SMAP1: variants seen among roughly 807,000 people sequenced by gnomAD.
SMAP1 encodes the protein stromal membrane-associated protein 1.
SMAP1 carries 24 observed loss-of-function variants against 58.5 expected under a neutral mutation model. The ratio of observed to expected loss-of-function variants is 0.41; its 90% CI spans 0.30 to 0.58. The LOEUF (loss-of-function observed/expected upper bound fraction) is 0.58. SMAP1 is among the 20% of genes least tolerant of loss of function. SMAP1 has a pLI of 0.29. For synonymous variants in SMAP1, 216 were observed against 196.6 expected (o/e 1.10, Z -0.82); for missense variants, 563 against 566.3 (o/e 0.99, Z 0.06).
chr6:70,687,889 ATATGGAACAGT>A (rs1766997153), intron 1 of SMAP1, among the ~76,000 whole-genome samples: 1 of 152,166 alleles, frequency 6.6e-6, no homozygotes, highest in Non-Finnish European at 1.5e-5. Context: ...CACAGTCAAG[ATATGGAACAGT>A]TATATACCAC....
intron 6 of SMAP1, among the ~76,000 whole-genome samples, chr6:70,818,279 A>G (rs1239659709): frequency 1.3e-5 from 2 of 151,670 alleles, no homozygotes; most frequent in African/African-American, 4.8e-5. Context: ...GGTGGCAGGC[A>G]CCTGTAATCC....
chr6:70,837,777 T>C (rs1361545873), intron 7 of SMAP1: 4 of 1,222,086 alleles, frequency 3.3e-6, no homozygotes, highest in Non-Finnish European at 2.1e-6. Context: ...TTCTTTTTTT[T>C]TAGTTTGGAG....
intron 7 of SMAP1, among the ~76,000 whole-genome samples, chr6:70,845,675 T>C (rs1194992915): frequency 6.6e-6 from 1 of 151,824 alleles, no homozygotes. Context: ...GATCTTATGA[T>C]TTAAAACCCA....
chr6:70,811,501 G>C (rs1769386505), intron 6 of SMAP1, among the ~76,000 whole-genome samples: 1 of 152,080 alleles, frequency 6.6e-6, no homozygotes, highest in East Asian at 1.9e-4. Context: ...GGTGAGATCA[G>C]TCAAGGCTTC....
At chr6:70,744,791 A>C (rs1352835561) in intron 2 of SMAP1, among the ~76,000 whole-genome samples, 1 of 152,228 alleles carries the variant, frequency 6.6e-6, no homozygotes, top group Non-Finnish European at 1.5e-5. Flanking sequence ...TCCCACCAAC[A>C]GTGTAAAAGT....
At chr6:70,729,470 T>TGTGC (rs1405744485) in intron 1 of SMAP1, among the ~76,000 whole-genome samples, 1 of 149,096 alleles carries the variant, frequency 6.7e-6, no homozygotes, top group Non-Finnish European at 1.5e-5. Flanking sequence ...TGTGTGTGTG[T>TGTGC]GTGTGTGTGT....
chr6:70,693,485 G>T (rs905595121), intron 1 of SMAP1, among the ~76,000 whole-genome samples: 1 of 151,536 alleles, frequency 6.6e-6, no homozygotes, highest in Non-Finnish European at 1.5e-5. Context: ...TGTATTTTTA[G>T]TAGAGACAGG....
At chr6:70,814,287 T>C (rs893652012) in intron 6 of SMAP1, among the ~76,000 whole-genome samples, 1 of 152,166 alleles carries the variant, frequency 6.6e-6, no homozygotes, top group African/African-American at 2.4e-5. Flanking sequence ...GCAATGATAA[T>C]TGAGATATTG....
chr6:70,723,649 A>G (rs1582063561), intron 1 of SMAP1, among the ~76,000 whole-genome samples: 2 of 152,170 alleles, frequency 1.3e-5, no homozygotes, highest in South Asian at 4.1e-4. Flanking sequence ...CCATAGGAGT[A>G]TAAGTTCCAT....
At chr6:70,807,457 G>GGAATTTT (rs1465575518) in intron 6 of SMAP1, among the ~76,000 whole-genome samples, 2 of 152,128 alleles carry the variant, frequency 1.3e-5, no homozygotes, top group African/African-American at 4.8e-5. Flanking sequence ...AAAATACTCT[G>GGAATTTT]TCATTCACTG....
intron 1 of SMAP1, among the ~76,000 whole-genome samples, chr6:70,680,965 G>A (rs918094024): frequency 1.3e-5 from 2 of 151,884 alleles, no homozygotes; most frequent in Non-Finnish European, 2.9e-5. Context: ...TGATCTGCCC[G>A]CCTTAGCCTC....
At chr6:70,745,668 G>A (rs921292837) in intron 2 of SMAP1, among the ~76,000 whole-genome samples, 61 of 152,218 alleles carry the variant, frequency 4.0e-4, no homozygotes, top group Non-Finnish European at 7.5e-4. Flanking sequence ...CTCTTTTTTG[G>A]TTCCATATGA....
chr6:70,787,848 G>C (rs1219126742), intron 4 of SMAP1, among the ~76,000 whole-genome samples: 1 of 150,002 alleles, frequency 6.7e-6, no homozygotes, highest in Non-Finnish European at 1.5e-5. Flanking sequence ...TTACACTGTT[G>C]TTGGGACTGT....
chr6:70,771,999 G>A (rs1013749309), intron 3 of SMAP1, among the ~76,000 whole-genome samples: 6 of 152,198 alleles, frequency 3.9e-5, no homozygotes, highest in African/African-American at 1.4e-4. Context: ...GAACCATCCT[G>A]GGACAGGACA....
chr6:70,731,634 A>G (rs553578111), intron 1 of SMAP1, among the ~76,000 whole-genome samples: 6 of 152,298 alleles, frequency 3.9e-5, no homozygotes, highest in East Asian at 3.9e-4. Context: ...ATTATTTTAC[A>G]TATTTTTCAA....
intron 1 of SMAP1, among the ~76,000 whole-genome samples, chr6:70,712,788 T>C (rs1269221233): frequency 1.4e-5 from 2 of 147,772 alleles, no homozygotes; most frequent in African/African-American, 5.2e-5. Context: ...TTTTTTCTTT[T>C]TTTCTTTTCT....
chr6:70,785,714 A>C (rs1767988050), intron 4 of SMAP1, among the ~76,000 whole-genome samples: 1 of 152,244 alleles, frequency 6.6e-6, no homozygotes, highest in African/African-American at 2.4e-5. Context: ...GAAATGGATA[A>C]ATTCCTCGAC....
chr6:70,783,109 G>C (rs1183110551), intron 4 of SMAP1, among the ~76,000 whole-genome samples: 4 of 152,180 alleles, frequency 2.6e-5, no homozygotes, highest in Non-Finnish European at 5.9e-5. Flanking sequence ...CGATCAGGCA[G>C]CAGCATTTGC....
intron 1 of SMAP1, among the ~76,000 whole-genome samples, chr6:70,686,651 A>C (rs1308109873): frequency 6.6e-6 from 1 of 152,212 alleles, no homozygotes; most frequent in Non-Finnish European, 1.5e-5. Flanking sequence ...TGAATATAAT[A>C]GTGTCTTTTC....
Sources: gnomAD v4.1 joint callset for allele counts (sites outside exome capture counted in the v4.1 genomes callset) on GRCh38, gnomAD v4.1.1 for gene constraint, MANE v1.5 for transcripts, NCBI Gene and HGNC (gene_info 2026-07-23, HGNC 2026-07-21) for gene names.